The following MGAM2 variants were observed in gnomAD, a reference collection of about 807,000 sequenced individuals.
MGAM2 encodes maltase-glucoamylase 2 (putative).
Under a neutral mutation model 96.1 loss-of-function variants are expected in MGAM2, and 98 were observed. That is an observed-to-expected ratio of 1.02 (90% CI 0.87 to 1.21). The LOEUF (loss-of-function observed/expected upper bound fraction) is 1.21, where lower values mean the gene tolerates loss of function less well. Ranked by LOEUF, MGAM2 falls within the 50% of genes most tolerant of loss-of-function variation. MGAM2 has a pLI of 0.00. For missense variants in MGAM2, 2,055 were observed against 1,182.4 expected, an observed-to-expected ratio of 1.74 and a Z score of -10.82; for synonymous variants, 749 against 414.8, an observed-to-expected ratio of 1.81 and a Z score of -9.79.
At position 142,218,512 on chromosome 7, in the gene MGAM2, A is replaced by G. The variant is rs1167062237; in HGVS notation, c.5339A>G (p.Lys1780Arg). The G allele has an allele frequency of 2.9e-6, 2 of 699,670 alleles. No individual in the cohort carries two copies. Among genetic ancestry groups the G allele is most frequent in the African/African-American group, 3.5e-5 (2 of 57,166 alleles). The allele number at this position is 699,670 out of a possible 1,614,324, so 43.3% of individuals were successfully genotyped here. ...CGGCAATTTATGGAGACAAATTTCA[A>G]GAGTGAACCTTATAATCAGGTAGGT... ...DNRQFMETNF[K>R]SEPYNQILTI... Residue 1780 changes from lysine to arginine, a missense_variant, in exon 47 of 48, where the codon AAG becomes AGG. Physicochemically the swap from Lys to Arg is conservative, Grantham distance 26 (BLOSUM62 2). Transcript: ENST00000477922.
chr7:142,182,232 T>A (rs1013115139), intron 32 of MGAM2, among the ~76,000 whole-genome samples: 2 of 152,178 alleles, frequency 1.3e-5, no homozygotes, highest in African/African-American at 4.8e-5. Context: ...CTTTGTTTTC[T>A]GGCCTTAGGG....
In MGAM2 at chr7:142,189,509, A is replaced by T. The variant is rs1796804128; in HGVS notation, c.4346+4A>T. On this transcript the variant is annotated splice_donor_region_variant and intron_variant, in intron 37 of 47. Transcript: ENST00000477922. ...CCCAGACCAGACCCACATACGAGTGAGTGTCTTTTTGTCACAGCAGCAAAG... is the reference window on the plus strand; with the variant it reads ...CCCAGACCAGACCCACATACGAGTGTGTGTCTTTTTGTCACAGCAGCAAAG... 1 of 798,890 alleles carries T rather than the reference A, an allele frequency of 1.3e-6. No homozygotes were observed. Among genetic ancestry groups the T allele is most frequent in the African/African-American group, 1.7e-5 (1 of 57,338 alleles). 49.5% of individuals were successfully genotyped at this position (798,890 alleles called of 1,614,324 possible).
chr7:142,140,726 A>G (rs1795195554), intron 10 of MGAM2, 76 bp from the exon 11 acceptor site: 1 of 590,818 alleles, frequency 1.7e-6, no homozygotes, highest in Non-Finnish European at 3.0e-6. Context: ...TTCAATGGTC[A>G]GGAACCAGAG....
At chr7:142,171,745 C>T (rs559238960) in intron 28 of MGAM2, among the ~76,000 whole-genome samples, 3 of 146,450 alleles carry the variant, frequency 2.0e-5, no homozygotes, top group African/African-American at 5.1e-5. Context: ...ATATATTCTA[C>T]TTGTCAGGCA....
chr7:142,221,100 A>T lies in MGAM2; in HGVS notation c.6589A>T (p.Ser2197Cys), dbSNP rs183564897. Reference protein sequence around the residue: ...ANTGVDTTSNSFSIMTTSFSE... With the variant: ...ANTGVDTTSNCFSIMTTSFSE... ...TACTGGTGTTGACACTACTAGCAAC[A>T]GTTTTTCCATTATGACCACTTCTTT... The change falls in exon 48 of 48, where the codon AGT becomes TGT. Residue 2197 changes from serine to cysteine, a missense_variant. Ser to Cys is a moderately radical substitution (Grantham distance 112, BLOSUM62 -1). Coordinates refer to ENST00000477922, the MANE Select transcript of MGAM2 (RefSeq NM_001293626.2). 382 of 702,570 alleles carry T rather than the reference A, an allele frequency of 5.4e-4. 2 individuals are homozygous for T. Among genetic ancestry groups the T allele is most frequent in the Middle Eastern group, 4.8e-3 (21 of 4,366 alleles). 43.5% of individuals were successfully genotyped at this position (702,570 alleles called of 1,614,324 possible).
At chr7:142,182,957 CT>C in intron 32 of MGAM2, among the ~76,000 whole-genome samples, 1 of 152,100 alleles carries the variant, frequency 6.6e-6, no homozygotes. Flanking sequence ...GGGGTGGTAA[CT>C]TTTTGTAGTA....
chr7:142,155,993 A>G (rs1456826285), intron 17 of MGAM2, among the ~76,000 whole-genome samples: 1 of 152,110 alleles, frequency 6.6e-6, no homozygotes, highest in African/African-American at 2.4e-5. Context: ...TAAAAATACA[A>G]AATTAGCTGG....
intron 3 of MGAM2, 89 bp downstream of exon 3, chr7:142,120,470 T>C (rs979743934): frequency 3.1e-5 from 20 of 643,360 alleles, no homozygotes; most frequent in Admixed American, 6.9e-5. Context: ...GGGGGTGGCA[T>C]GGCTTCTGGG....
At chr7:142,123,244 C>T (rs1794639132) in intron 3 of MGAM2, among the ~76,000 whole-genome samples, 1 of 149,462 alleles carries the variant, frequency 6.7e-6, no homozygotes, top group Admixed American at 6.7e-5. Context: ...TTTTTTTTTA[C>T]AGCACGATTC....
chr7:142,199,031 G>A (rs1281734805), intron 44 of MGAM2, among the ~76,000 whole-genome samples: 3 of 152,130 alleles, frequency 2.0e-5, no homozygotes, highest in Non-Finnish European at 4.4e-5. Flanking sequence ...CTGTTAAAAA[G>A]GAATAGGGAA....
At chr7:142,195,732 G>A (rs1423064516) in intron 37 of MGAM2, among the ~76,000 whole-genome samples, 4 of 152,030 alleles carry the variant, frequency 2.6e-5, no homozygotes, top group South Asian at 4.1e-4. Context: ...ATTTTCAGGC[G>A]AATGCCTTTC....
chr7:142,128,007 G>C (rs1008106081), intron 3 of MGAM2, among the ~76,000 whole-genome samples: 3 of 152,316 alleles, frequency 2.0e-5, no homozygotes, highest in South Asian at 2.1e-4. Flanking sequence ...GAAGATGTAG[G>C]AAAGTTTGGA....
In MGAM2 at chr7:142,175,501, A is replaced by G. The variant is rs1796345558; in HGVS notation, c.3688-151A>G. 1.9e-5 allele frequency: 11 copies of G among 578,406 alleles called. No homozygotes were observed. In the South Asian group the frequency reaches 2.4e-4, roughly 12 times the overall value. The allele number at this position is 578,406 out of a possible 1,614,324, so 35.8% of individuals were successfully genotyped here. A position where few individuals can be genotyped will look rare whatever the true frequency, so the allele number is the denominator to read the frequency against. ...GCAATTTCAATCTGCAGAATTGAAAAGTCAGCAGAGGGAAGTAATGAGATG... is the reference window on the plus strand; with the variant it reads ...GCAATTTCAATCTGCAGAATTGAAAGGTCAGCAGAGGGAAGTAATGAGATG... On this transcript the variant is annotated intron_variant, in intron 31 of 47. Transcript: ENST00000477922.
intron 33 of MGAM2, among the ~76,000 whole-genome samples, chr7:142,184,429 G>A (rs188612070): frequency 3.3e-4 from 50 of 152,230 alleles, no homozygotes; most frequent in Non-Finnish European, 4.9e-4. Context: ...AGCATACAGT[G>A]TAGCATTTAT....
intron 1 of MGAM2, among the ~76,000 whole-genome samples, chr7:142,112,667 A>G (rs576349220): frequency 2.0e-5 from 3 of 152,254 alleles, no homozygotes; most frequent in Non-Finnish European, 4.4e-5. Flanking sequence ...ACTATTTTAA[A>G]AAGTAGCGGC....
intron 45 of MGAM2, among the ~76,000 whole-genome samples, chr7:142,203,927 T>C (rs1797319882): frequency 6.6e-6 from 1 of 152,138 alleles, no homozygotes; most frequent in Admixed American, 6.5e-5. Flanking sequence ...TTCTTTTTCT[T>C]TGGTTATTTT....
intron 3 of MGAM2, among the ~76,000 whole-genome samples, chr7:142,125,915 C>CTATCTCCAAAT (rs1233856197): frequency 2.7e-5 from 4 of 150,542 alleles, no homozygotes; most frequent in African/African-American, 9.7e-5. Context: ...TGTTTCCTGT[C>CTATCTCCAAAT]TATCTCCAAA....
At chr7:142,117,078 C>A in intron 2 of MGAM2, 99 bp downstream of exon 2, 1 of 667,236 alleles carries the variant, frequency 1.5e-6, no homozygotes, top group South Asian at 1.6e-5. Context: ...TATGCCACTA[C>A]ATTGCAGTAT....
At chr7:142,195,721 T>C (rs369342099) in intron 37 of MGAM2, among the ~76,000 whole-genome samples, 9 of 152,246 alleles carry the variant, frequency 5.9e-5, no homozygotes, top group South Asian at 4.1e-4. Context: ...TCCAGCTCAC[T>C]ATTTTCAGGC....
Sources: gnomAD v4.1 joint callset for allele counts (sites outside exome capture counted in the v4.1 genomes callset) on GRCh38, gnomAD v4.1.1 for gene constraint, MANE v1.5 for transcripts, NCBI Gene and HGNC (gene_info 2026-07-23, HGNC 2026-07-21) for gene names.